The following TTC6 variants were observed in gnomAD, a reference collection of about 807,000 sequenced individuals.
The protein encoded by TTC6 is tetratricopeptide repeat domain 6.
In TTC6, 172 loss-of-function variants were observed where a neutral mutation model predicts 210.4. That is an observed-to-expected ratio of 0.82 (90% CI 0.72 to 0.93). The LOEUF is 0.93. Ranked by LOEUF, TTC6 falls within the 40% of genes least tolerant of loss-of-function variation. The probability of loss-of-function intolerance (pLI) is 0.00; values close to 1 mark genes in which losing one functional copy is unlikely to be tolerated. For missense variants in TTC6, 2,414 were observed against 2,318.1 expected (o/e 1.04, Z -0.85); for synonymous variants, 804 against 819.6 (o/e 0.98, Z 0.32).
chr14:37,745,046 A>ATG (rs1421854405), intron 10 of TTC6, among the ~76,000 whole-genome samples: 2 of 152,132 alleles, frequency 1.3e-5, no homozygotes, highest in Non-Finnish European at 2.9e-5. Context: ...ACGTACACAT[A>ATG]TATATGTACG....
At chr14:37,811,618 A>C (rs2096129768) in intron 24 of TTC6, among the ~76,000 whole-genome samples, 1 of 152,224 alleles carries the variant, frequency 6.6e-6, no homozygotes, top group African/African-American at 2.4e-5. Context: ...CCTGGTACAG[A>C]GTAGAAACCA....
At chr14:37,622,391 A>T in exon 1 of TTC6, 1 of 1,532,612 alleles carries the variant, frequency 6.5e-7, no homozygotes, top group Non-Finnish European at 8.7e-7. Context: ...CGGCGGCTCC[A>T]GGCAAGACCC....
At chr14:37,755,064 C>T (rs1249894434) in intron 14 of TTC6, among the ~76,000 whole-genome samples, 2 of 152,224 alleles carry the variant, frequency 1.3e-5, no homozygotes, top group Non-Finnish European at 2.9e-5. Context: ...CCCTTTCCAG[C>T]ATCTGTTGTT....
At chr14:37,675,333 G>A (rs35748911) in intron 1 of TTC6, among the ~76,000 whole-genome samples, 8,693 of 152,162 alleles carry the variant, frequency 0.057, 383 homozygotes, top group Non-Finnish European at 0.089. Flanking sequence ...TTTGTGACCT[G>A]TGGTGTCTAG....
intron 1 of TTC6, among the ~76,000 whole-genome samples, chr14:37,623,605 T>A (rs1402910894): frequency 6.6e-6 from 1 of 152,168 alleles, no homozygotes; most frequent in African/African-American, 2.4e-5. Flanking sequence ...GACAACCCTA[T>A]CAGGTCAATA....
intron 29 of TTC6, among the ~76,000 whole-genome samples, chr14:37,831,734 C>G (rs778285448): frequency 5.0e-5 from 7 of 139,760 alleles, no homozygotes; most frequent in Non-Finnish European, 1.1e-4. Flanking sequence ...GATCTGTTGG[C>G]CGTCTGTTAT....
Position 37,623,314 on chromosome 14 carries a change from G to A in TTC6, c.939+311G>A, listed in dbSNP as rs2095654935. On this transcript the variant is annotated intron_variant, in intron 1 of 30. Transcript: ENST00000553443. ...AGGAGCCTTCCCCTTCAAAGGTTTC[G>A]TGATTATTTAGTGTTAAAGGAACAG... Among the ~76,000 whole-genome samples, 5 of 152,250 alleles carry A rather than the reference G, an allele frequency of 3.3e-5. No homozygotes were observed. The South Asian group carries it at 8.3e-4, about 25-fold the overall frequency.
chr14:37,823,217 A>G (rs1432322847), intron 26 of TTC6, among the ~76,000 whole-genome samples: 1 of 152,140 alleles, frequency 6.6e-6, no homozygotes, highest in East Asian at 1.9e-4. Flanking sequence ...AATAAAATGC[A>G]TTTTACTTTT....
intron 5 of TTC6, among the ~76,000 whole-genome samples, chr14:37,709,773 G>T (rs925254691): frequency 4.0e-5 from 6 of 149,746 alleles, no homozygotes; most frequent in African/African-American, 1.5e-4. Context: ...TGTATTTTCT[G>T]ATCTTTTTAA....
chr14:37,639,678 C>G, intron 1 of TTC6, among the ~76,000 whole-genome samples: 1 of 146,800 alleles, frequency 6.8e-6, no homozygotes, highest in East Asian at 2.0e-4. Flanking sequence ...CGAGACCAGC[C>G]TGGGCAACAT....
chr14:37,742,412 G>GTTTTTTTGTTTT, intron 10 of TTC6, among the ~76,000 whole-genome samples: 1 of 151,080 alleles, frequency 6.6e-6, no homozygotes. Context: ...TTTTTGTTTT[G>GTTTTTTTGTTTT]TTTTTTTTGT....
rs2096077704 is a variant in TTC6 at position 37,790,856 on chromosome 14, AT to A, written c.3557+22del. 6.6e-7 allele frequency: 1 copy of A among 1,510,818 alleles called. No individual in the cohort carries two copies. The highest frequency in any genetic ancestry group is 2.3e-5 in the Admixed American group (1 of 43,214). The allele number at this position is 1,510,818 out of a possible 1,614,324, so 93.6% of individuals were successfully genotyped here. ...TAGAAAGGTATGTTTTCCTTTTCAT[AT>A]TTATTGATTTCAGTTTTGTAAAAAA... On this transcript the variant is annotated intron_variant, in intron 16 of 30. Coordinates refer to ENST00000553443, the Ensembl canonical transcript of TTC6.
At chr14:37,799,085 A>G (rs2096099602) in intron 20 of TTC6, among the ~76,000 whole-genome samples, 1 of 152,028 alleles carries the variant, frequency 6.6e-6, no homozygotes, top group Non-Finnish European at 1.5e-5. Flanking sequence ...CTTCTTTTCT[A>G]TTTAGTGAAT....
At chr14:37,730,766 C>T (rs1262172632) in intron 7 of TTC6, among the ~76,000 whole-genome samples, 2 of 152,180 alleles carry the variant, frequency 1.3e-5, no homozygotes, top group African/African-American at 2.4e-5. Flanking sequence ...ACTTGCCAGG[C>T]AGCCTCCAGT....
chr14:37,724,589 T>C (rs1012404592), intron 6 of TTC6, among the ~76,000 whole-genome samples: 2 of 152,190 alleles, frequency 1.3e-5, no homozygotes, highest in South Asian at 2.1e-4. Context: ...TGCAAGAATT[T>C]GCCTACACTA....
chr14:37,611,663 G>C (rs2095634784), intron 2 of TTC6, among the ~76,000 whole-genome samples: 2 of 152,136 alleles, frequency 1.3e-5, no homozygotes, highest in South Asian at 2.1e-4. Flanking sequence ...AGAAAAAGAG[G>C]CTAGGAAGGA....
chr14:37,736,155 G>A (rs1290864030), intron 8 of TTC6, 145 bp downstream of exon 10: 7 of 558,314 alleles, frequency 1.3e-5, no homozygotes, highest in African/African-American at 5.8e-5. Context: ...GGAGTCTGAG[G>A]TGGGCAGATC....
At chr14:37,642,322 C>T (rs577509612) in intron 1 of TTC6, among the ~76,000 whole-genome samples, 2 of 152,250 alleles carry the variant, frequency 1.3e-5, no homozygotes, top group African/African-American at 4.8e-5. Context: ...TAAGGTAGCA[C>T]ATTTTGTCAT....
intron 14 of TTC6, among the ~76,000 whole-genome samples, chr14:37,782,377 C>G (rs2096057251): frequency 6.6e-6 from 1 of 152,050 alleles, no homozygotes; most frequent in Admixed American, 6.6e-5. Flanking sequence ...GTATTTTATT[C>G]TCTTTGAAGC....
Sources: gnomAD v4.1 joint callset for allele counts (sites outside exome capture counted in the v4.1 genomes callset) on GRCh38, gnomAD v4.1.1 for gene constraint, MANE v1.5 for transcripts, NCBI Gene and HGNC (gene_info 2026-07-23, HGNC 2026-07-21) for gene names.